OXR1: variants seen among roughly 807,000 people sequenced by gnomAD.
OXR1 encodes oxidation resistance 1, also known as oxidation resistance protein 1.
In OXR1, 41 loss-of-function variants were observed where a neutral mutation model predicts 104.6. The observed-to-expected ratio is 0.39, with a 90% CI of 0.31 to 0.51. The LOEUF is 0.51. Among genes scored for constraint, OXR1 ranks in the 20% least tolerant of loss-of-function variants. The pLI, the probability that OXR1 is intolerant of heterozygous loss-of-function variation, is 0.77. For missense variants in OXR1, 955 were observed against 1,031.9 expected (o/e 0.93, Z 1.02); for synonymous variants, 348 against 348.4 (o/e 1.00, Z 0.01).
At chr8:106,575,313 C>A (rs1163332300) in intron 3 of OXR1, among the ~76,000 whole-genome samples, 1 of 152,072 alleles carries the variant, frequency 6.6e-6, no homozygotes, top group African/African-American at 2.4e-5. Context: ...ATTGCTAAAT[C>A]ACTTTCCAAA....
intron 2 of OXR1, among the ~76,000 whole-genome samples, chr8:106,500,832 T>C (rs906914045): frequency 1.4e-4 from 22 of 152,226 alleles, no homozygotes; most frequent in Non-Finnish European, 2.9e-5. Context: ...TAAATGTCTG[T>C]TCTAAGCACT....
rs34839524 is a variant in OXR1, at chr8:106,622,453, G to GCACACA, written c.221-56729_221-56724dup. ...ACAGGGCCCTAACTGATCACCCCCA[G>GCACACA]CACACACACACACACACACACACAC... is the stretch of plus-strand genomic sequence containing the variant. On this transcript the variant is annotated intron_variant, in intron 3 of 16. Transcript: ENST00000517566. Among the ~76,000 whole-genome samples the GCACACA allele has an allele frequency of 1.2e-3, 169 of 136,378 alleles. 1 individual carries two copies. The highest frequency in any genetic ancestry group is 3.8e-3 in the Middle Eastern group (1 of 260). 89.5% of individuals were successfully genotyped at this position (136,378 alleles called of 152,430 possible). A position where few individuals can be genotyped will look rare whatever the true frequency, so the allele number is the denominator to read the frequency against.
In OXR1 at chr8:106,742,327, A is replaced by G. The variant is rs773067831; in HGVS notation, c.2412+10A>G. The G allele has an allele frequency of 6.6e-7, 1 of 1,508,246 alleles. No homozygotes were observed. The highest frequency in any genetic ancestry group is 9.2e-7 in the Non-Finnish European group (1 of 1,086,042). The allele number at this position is 1,508,246 out of a possible 1,614,324, so 93.4% of individuals were successfully genotyped here. On this transcript the variant is annotated intron_variant, in intron 15 of 16. Transcript: ENST00000517566. ...CTGTCCGGAGTTTGAGGTAAGAACC[A>G]CTATTTCAATATTTTATTTATAAAG...
At chr8:106,465,327 G>A (rs938577896) in intron 2 of OXR1, among the ~76,000 whole-genome samples, 1 of 151,926 alleles carries the variant, frequency 6.6e-6, no homozygotes, top group African/African-American at 2.4e-5. Flanking sequence ...CAGGAGGGGT[G>A]GAGGAGTAAT....
intron 2 of OXR1, among the ~76,000 whole-genome samples, chr8:106,491,227 C>G (rs1811063094): frequency 6.6e-6 from 1 of 152,158 alleles, no homozygotes; most frequent in Non-Finnish European, 1.5e-5. Flanking sequence ...GCTTTCCTTT[C>G]TTTTTCATTT....
chr8:106,365,155 A>C (rs1236146142), intron 2 of OXR1, among the ~76,000 whole-genome samples: 1 of 152,188 alleles, frequency 6.6e-6, no homozygotes, highest in African/African-American at 2.4e-5. Context: ...TTAGATATGA[A>C]TATAAGGCTG....
intron 2 of OXR1, among the ~76,000 whole-genome samples, chr8:106,405,734 C>G (rs184248692): frequency 5.8e-4 from 88 of 152,088 alleles, no homozygotes; most frequent in Middle Eastern, 3.4e-3. Context: ...TCAACAAAAC[C>G]AACTTGCAAC....
In OXR1 at chr8:106,690,998, G is replaced by A. The variant is rs573375236; in HGVS notation, c.526-1730G>A. Among the ~76,000 whole-genome samples the A allele has an allele frequency of 2.4e-4, 37 of 151,948 alleles. No homozygotes were observed. The South Asian group carries it at 6.8e-3, about 28-fold the overall frequency. Reference sequence around the variant, plus strand: ...ATAAAGCCAAGGCAAGAAGGGAAGTGGACAGTTTGGAGTTGCTAATTCATT... The same window carrying A: ...ATAAAGCCAAGGCAAGAAGGGAAGTAGACAGTTTGGAGTTGCTAATTCATT... On this transcript the variant is annotated intron_variant, in intron 6 of 16. Coordinates refer to ENST00000517566, the MANE Select transcript of OXR1 (RefSeq NM_001198533.2).
At chr8:106,715,950 C>T (rs1202191566) in intron 11 of OXR1, among the ~76,000 whole-genome samples, 3 of 152,182 alleles carry the variant, frequency 2.0e-5, no homozygotes, top group East Asian at 1.9e-4. Flanking sequence ...AAAATATTAC[C>T]GCAGTATCCA....
At chr8:106,529,862 A>T (rs532848064) in intron 3 of OXR1, among the ~76,000 whole-genome samples, 4 of 152,258 alleles carry the variant, frequency 2.6e-5, no homozygotes, top group African/African-American at 9.6e-5. Context: ...GCCCAATTAA[A>T]CCTATACTGG....
At position 106,496,613 on chromosome 8, in the gene OXR1, A is replaced by C. The variant is rs1811427407; in HGVS notation, c.24-22330A>C. 2.0e-5 allele frequency among the ~76,000 whole-genome samples: 3 copies of C among 152,194 alleles called. No homozygotes were observed. The South Asian group carries it at 6.2e-4, about 31-fold the overall frequency. On this transcript the variant is annotated intron_variant, in intron 2 of 16. Coordinates refer to ENST00000517566, the MANE Select transcript of OXR1 (RefSeq NM_001198533.2). The stretch of plus-strand genomic sequence containing the variant: ...GATTCTTGGTGCAGAAGTGATGCAT[A>C]TCGCTTCTACTAACATCTAATTGGC...
At chr8:106,414,371 T>C (rs1161416184) in intron 2 of OXR1, among the ~76,000 whole-genome samples, 3 of 151,936 alleles carry the variant, frequency 2.0e-5, no homozygotes, top group East Asian at 1.9e-4. Context: ...ATTGGAGAGA[T>C]TGGGGAAAGG....
chr8:106,352,070 T>C (rs1815749761), intron 1 of OXR1, among the ~76,000 whole-genome samples: 1 of 151,778 alleles, frequency 6.6e-6, no homozygotes, highest in Admixed American at 6.6e-5. Flanking sequence ...CAGTTTGCAG[T>C]GTATTGCAAT....
chr8:106,445,711 A>G lies in OXR1; in HGVS notation c.24-73232A>G, dbSNP rs75062150. 9.5e-3 allele frequency among the ~76,000 whole-genome samples: 1,446 copies of G among 152,348 alleles called. 15 individuals are homozygous for G. Among genetic ancestry groups the G allele is most frequent in the South Asian group, 0.015 (73 of 4,832 alleles). On this transcript the variant is annotated intron_variant, in intron 2 of 16. Coordinates refer to ENST00000517566, the MANE Select transcript of OXR1 (RefSeq NM_001198533.2). ...ATGTAAATGTTAGGGGCAGAAATGAAAGGACATTCATACTAATTAATTCGC... is the reference window on the plus strand; with the variant it reads ...ATGTAAATGTTAGGGGCAGAAATGAGAGGACATTCATACTAATTAATTCGC...
chr8:106,354,963 T>C (rs1428119503), intron 1 of OXR1, among the ~76,000 whole-genome samples: 1 of 152,030 alleles, frequency 6.6e-6, no homozygotes, highest in African/African-American at 2.4e-5. Flanking sequence ...TAAAGTATCA[T>C]CCCAATAATC....
intron 3 of OXR1, among the ~76,000 whole-genome samples, chr8:106,551,302 TCTTGTTGAA>T (rs1468077608): frequency 6.6e-6 from 1 of 152,186 alleles, no homozygotes; most frequent in East Asian, 1.9e-4. Flanking sequence ...AGGGAATATT[TCTTGTTGAA>T]ATGAGCAAAA....
At position 106,451,680 on chromosome 8, in the gene OXR1, G is replaced by T. The variant is rs73309240; in HGVS notation, c.24-67263G>T. ...GTTGCTTGATATAGTATAAGATTTT[G>T]ATTGTTTTCTAGAACATCGTCTCTG... On this transcript the variant is annotated intron_variant, in intron 2 of 16. Coordinates refer to ENST00000517566, the MANE Select transcript of OXR1 (RefSeq NM_001198533.2). Among the ~76,000 whole-genome samples, 477 of 152,296 alleles carry T rather than the reference G, an allele frequency of 3.1e-3. 4 individuals are homozygous for T. The highest frequency in any genetic ancestry group is 0.011 in the African/African-American group (458 of 41,572).
chr8:106,633,691 T>C (rs1335041296), intron 3 of OXR1, among the ~76,000 whole-genome samples: 1 of 152,234 alleles, frequency 6.6e-6, no homozygotes, highest in African/African-American at 2.4e-5. Context: ...AGGAAAGGAA[T>C]AATTTCCTCG....
At chr8:106,691,336 C>T (rs1382630720) in intron 6 of OXR1, among the ~76,000 whole-genome samples, 2 of 151,944 alleles carry the variant, frequency 1.3e-5, no homozygotes, top group Non-Finnish European at 2.9e-5. Context: ...AAACCATCTA[C>T]ATAGAGATAC....
Sources: allele counts gnomAD v4.1 joint callset (sites outside exome capture counted in the v4.1 genomes callset), GRCh38; gene constraint gnomAD v4.1.1; transcripts MANE v1.5; gene names NCBI Gene and HGNC (gene_info 2026-07-23, HGNC 2026-07-21).